GRIA1: variants seen among roughly 807,000 people sequenced by gnomAD.
GRIA1 encodes glutamate receptor 1.
In GRIA1, 31 loss-of-function variants were observed where a neutral mutation model predicts 99.2. The ratio of observed to expected loss-of-function variants is 0.31; its 90% CI spans 0.23 to 0.42. The LOEUF (loss-of-function observed/expected upper bound fraction) is 0.42. Ranked by LOEUF, GRIA1 falls within the 10% of genes least tolerant of loss-of-function variation. GRIA1 has a pLI of 1.00. For missense variants in GRIA1, 782 were observed against 1,157.5 expected (o/e 0.68, Z 4.71); for synonymous variants, 438 against 432.4 (o/e 1.01, Z -0.16).
At chr5:153,555,908 C>T (rs1760597467) in intron 2 of GRIA1, among the ~76,000 whole-genome samples, 1 of 152,158 alleles carries the variant, frequency 6.6e-6, no homozygotes, top group Non-Finnish European at 1.5e-5. Flanking sequence ...TCTTGTGATA[C>T]AGAAAGTGAA....
At chr5:153,660,901 A>G (rs1755323502) in intron 5 of GRIA1, among the ~76,000 whole-genome samples, 1 of 152,182 alleles carries the variant, frequency 6.6e-6, no homozygotes, top group South Asian at 2.1e-4. Flanking sequence ...GAAGCTGAGG[A>G]AGAGATGACG....
chr5:153,549,205 T>A (rs771392722), intron 2 of GRIA1, among the ~76,000 whole-genome samples: 1 of 152,330 alleles, frequency 6.6e-6, no homozygotes, highest in South Asian at 2.1e-4. Flanking sequence ...TACACATTAA[T>A]GATCCCTGTT....
At chr5:153,705,054 C>CT (rs1454096068) in intron 10 of GRIA1, among the ~76,000 whole-genome samples, 1 of 152,198 alleles carries the variant, frequency 6.6e-6, no homozygotes, top group Non-Finnish European at 1.5e-5. Flanking sequence ...CTTAGGCAAA[C>CT]TGACACATTG....
intron 8 of GRIA1, among the ~76,000 whole-genome samples, chr5:153,693,131 C>A (rs1054687914): frequency 5.9e-5 from 9 of 152,114 alleles, no homozygotes; most frequent in Admixed American, 1.3e-4. Context: ...GGCTCATGGA[C>A]CCTCCACTGT....
chr5:153,780,059 T>A (rs1489908644), intron 13 of GRIA1, among the ~76,000 whole-genome samples: 2 of 152,232 alleles, frequency 1.3e-5, no homozygotes, highest in East Asian at 3.8e-4. Flanking sequence ...GCACTGCTCC[T>A]CCTGCTGATA....
chr5:153,586,957 G>GT (rs1763538109), intron 2 of GRIA1, among the ~76,000 whole-genome samples: 1 of 152,194 alleles, frequency 6.6e-6, no homozygotes, highest in Non-Finnish European at 1.5e-5. Context: ...CTTGTGACAT[G>GT]TTCTCTGATG....
intron 1 of GRIA1, chr5:153,492,245 G>A (rs1753986824): frequency 1.3e-6 from 2 of 1,535,376 alleles, no homozygotes; most frequent in East Asian, 4.9e-5. Context: ...CTAGCTGGCG[G>A]CTTGGAGTGG....
At chr5:153,709,080 A>T (rs1759124176) in intron 11 of GRIA1, among the ~76,000 whole-genome samples, 1 of 152,260 alleles carries the variant, frequency 6.6e-6, no homozygotes, top group African/African-American at 2.4e-5. Context: ...AAACACAAGG[A>T]TGCTAAGACA....
At chr5:153,538,083 G>A (rs1461301429) in intron 2 of GRIA1, among the ~76,000 whole-genome samples, 3 of 152,148 alleles carry the variant, frequency 2.0e-5, no homozygotes, top group Non-Finnish European at 4.4e-5. Context: ...TGTGATGGTG[G>A]AAGATAAGAA....
At chr5:153,568,186 C>T (rs1205425946) in intron 2 of GRIA1, among the ~76,000 whole-genome samples, 3 of 152,124 alleles carry the variant, frequency 2.0e-5, no homozygotes, top group Non-Finnish European at 4.4e-5. Flanking sequence ...TGCAATTGGC[C>T]GTTACTCTAA....
chr5:153,802,570 G>T, intron 15 of GRIA1, 80 bp downstream of exon 15: 1 of 1,448,672 alleles, frequency 6.9e-7, no homozygotes, highest in East Asian at 2.3e-5. Flanking sequence ...TTGCTAGAAA[G>T]GGTGGGGAAT....
chr5:153,777,242 G>A (rs900968782), intron 13 of GRIA1, among the ~76,000 whole-genome samples: 4 of 152,148 alleles, frequency 2.6e-5, no homozygotes, highest in African/African-American at 9.7e-5. Context: ...AAGAGGTCAG[G>A]GAGGCGATGT....
At chr5:153,614,080 T>C (rs2149413197) in intron 2 of GRIA1, among the ~76,000 whole-genome samples, 1 of 152,348 alleles carries the variant, frequency 6.6e-6, no homozygotes, top group South Asian at 2.1e-4. Context: ...CACACCTTCT[T>C]CACTGCTCCA....
At chr5:153,625,708 GCCTTGAA>G (rs567189253) in intron 2 of GRIA1, among the ~76,000 whole-genome samples, 2 of 152,186 alleles carry the variant, frequency 1.3e-5, no homozygotes, top group African/African-American at 2.4e-5. Flanking sequence ...TTTCAGATCA[GCCTTGAA>G]AGAGAAAATT....
chr5:153,510,001 CT>C (rs1425257590), intron 2 of GRIA1, among the ~76,000 whole-genome samples: 1 of 152,146 alleles, frequency 6.6e-6, no homozygotes, highest in East Asian at 1.9e-4. Flanking sequence ...TCTAAAGTCT[CT>C]TTGATCTGAA....
chr5:153,802,470 AG>A lies in GRIA1; in HGVS notation c.2501del (p.Ser834MetfsTer6). 1 of 1,613,964 alleles carries A rather than the reference AG, an allele frequency of 6.2e-7. No individual in the cohort carries two copies. The highest frequency in any genetic ancestry group is 2.2e-5 in the East Asian group (1 of 44,844). ...AATCGAGTTCTGCTACAAATCCCGT[AG>A]TGAATCCAAGCGGATGAAGGTGGCA... Reference protein sequence around the residue: ...ALIEFCYKSRSESKRMKGFCL... With the variant: ...ALIEFCYKSRXESKRMKGFCL... On this transcript the variant is annotated frameshift_variant, in exon 15 of 16. Coordinates refer to ENST00000285900, the MANE Select transcript of GRIA1 (RefSeq NM_000827.4). LOFTEE classifies it high-confidence loss of function.
intron 13 of GRIA1, among the ~76,000 whole-genome samples, chr5:153,777,609 T>G (rs1439994097): frequency 6.6e-6 from 1 of 152,210 alleles, no homozygotes; most frequent in Non-Finnish European, 1.5e-5. Context: ...AAGTCACTTT[T>G]GAGCCAAAGA....
intron 11 of GRIA1, among the ~76,000 whole-genome samples, chr5:153,708,070 T>G (rs143494091): frequency 7.9e-5 from 12 of 152,310 alleles, no homozygotes; most frequent in Non-Finnish European, 1.6e-4. Flanking sequence ...TCAGTGAGCA[T>G]CTCATCTTTT....
intron 3 of GRIA1, 143 bp downstream of exon 3, chr5:153,647,310 T>A: frequency 2.0e-6 from 2 of 1,009,020 alleles, no homozygotes; most frequent in Non-Finnish European, 2.9e-6. Flanking sequence ...CTGACTGATT[T>A]ATCAGTAGCT....
Sources: gnomAD v4.1 joint callset for allele counts (sites outside exome capture counted in the v4.1 genomes callset) on GRCh38, gnomAD v4.1.1 for gene constraint, MANE v1.5 for transcripts, NCBI Gene and HGNC (gene_info 2026-07-23, HGNC 2026-07-21) for gene names.